KPNA7: variants seen among roughly 807,000 people sequenced by gnomAD.
KPNA7 encodes the protein karyopherin subunit alpha 7.
In KPNA7, 54 loss-of-function variants were observed where a neutral mutation model predicts 53.7. The observed-to-expected ratio is 1.01, with a 90% CI of 0.81 to 1.26. The LOEUF is 1.26. KPNA7 is among the 50% of genes most tolerant of loss of function. The pLI is 0.00. For synonymous variants in KPNA7, 276 were observed against 259.3 expected (o/e 1.06, Z -0.62); for missense variants, 640 against 644.5 (o/e 0.99, Z 0.07).
At chr7:99,187,324 G>C (rs1028437729) in intron 7 of KPNA7, among the ~76,000 whole-genome samples, 4 of 151,972 alleles carry the variant, frequency 2.6e-5, no homozygotes, top group African/African-American at 9.7e-5. Context: ...AAAGCAATTA[G>C]TAATGGTTTT....
At chr7:99,196,670 T>C (rs1431652014) in intron 3 of KPNA7, among the ~76,000 whole-genome samples, 1 of 148,090 alleles carries the variant, frequency 6.8e-6, no homozygotes, top group Non-Finnish European at 1.5e-5. Flanking sequence ...CCACCCACCC[T>C]CAGCTCCATG....
chr7:99,167,150 C>T, the KPNA7 span, among the ~76,000 whole-genome samples: 1 of 152,218 alleles, frequency 6.6e-6, no homozygotes, highest in Admixed American at 6.5e-5. Context: ...GCCACGGAGC[C>T]TGCTGTTCAC....
At chr7:99,181,031 G>GTGTGTGTGTCTCTCTCTCTCTCTCTC in intron 9 of KPNA7, among the ~76,000 whole-genome samples, 1 of 8,130 alleles carries the variant, frequency 1.2e-4, no homozygotes, top group Admixed American at 1.2e-3. Context: ...GTGTCTCTCT[G>GTGTGTGTGTCTCTCTCTCTCTCTCTC]TGTGTGTCTC....
intron 1 of KPNA7, among the ~76,000 whole-genome samples, chr7:99,215,625 G>A (rs949029572): frequency 5.3e-5 from 8 of 152,098 alleles, no homozygotes; most frequent in African/African-American, 7.2e-5. Context: ...CTCGGATTCC[G>A]CTTCTTTCCC....
chr7:99,174,758 A>G (rs1468947662), intron 10 of KPNA7, among the ~76,000 whole-genome samples: 1 of 152,080 alleles, frequency 6.6e-6, no homozygotes, highest in Non-Finnish European at 1.5e-5. Context: ...TTTACCCTGG[A>G]GTTCTTGGAT....
intron 2 of KPNA7, among the ~76,000 whole-genome samples, chr7:99,205,410 C>CAAAAA (rs61410237): frequency 2.7e-5 from 3 of 109,780 alleles, no homozygotes; most frequent in African/African-American, 8.6e-5. Flanking sequence ...GACTCCATCT[C>CAAAAA]AAAAAAAAAA....
At chr7:99,193,249 C>G in intron 5 of KPNA7, 148 bp from the exon 6 acceptor site, 1 of 511,542 alleles carries the variant, frequency 2.0e-6, no homozygotes. Context: ...GTACTAAATT[C>G]TGGAAGTCTG....
At chr7:99,146,311 A>G in the KPNA7 span, among the ~76,000 whole-genome samples, 9,158 of 152,150 alleles carry the variant, frequency 0.06, 340 homozygotes, top group South Asian at 0.12. Flanking sequence ...TTGCTTCTGG[A>G]GGTTTCTGAA....
At chr7:99,194,579 A>G (rs1020556754) in intron 5 of KPNA7, among the ~76,000 whole-genome samples, 2 of 152,032 alleles carry the variant, frequency 1.3e-5, no homozygotes, top group African/African-American at 4.8e-5. Context: ...TTCAGCTTCA[A>G]TATTTGGCCT....
intron 10 of KPNA7, 76 bp from the exon 11 acceptor site, chr7:99,173,870 C>G: frequency 1.2e-6 from 1 of 865,610 alleles, no homozygotes; most frequent in South Asian, 1.6e-5. Context: ...CAAGATGCAC[C>G]TTGTAACAAA....
chr7:99,195,465 G>T, intron 4 of KPNA7, 127 bp from the exon 5 acceptor site: 1 of 836,590 alleles, frequency 1.2e-6, no homozygotes, highest in Non-Finnish European at 1.8e-6. Flanking sequence ...AAGGCGGGCA[G>T]ATCACTTGAG....
chr7:99,189,091 T>A (rs1413629344), intron 6 of KPNA7, among the ~76,000 whole-genome samples: 1 of 152,196 alleles, frequency 6.6e-6, no homozygotes, highest in Non-Finnish European at 1.5e-5. Context: ...GGAGGTTTCC[T>A]TTGTCTTTCA....
chr7:99,172,179 C>T (rs965157598), downstream of KPNA7, among the ~76,000 whole-genome samples: 4 of 152,272 alleles, frequency 2.6e-5, no homozygotes. Flanking sequence ...AAAAAAATGG[C>T]TATCTCTTCT....
intron 5 of KPNA7, among the ~76,000 whole-genome samples, chr7:99,194,002 G>A (rs779090277): frequency 1.3e-5 from 2 of 152,112 alleles, no homozygotes; most frequent in Non-Finnish European, 2.9e-5. Context: ...TTTTCTTTTA[G>A]CAGTTATTTT....
At chr7:99,207,756 C>T (rs1452174248) in intron 1 of KPNA7, among the ~76,000 whole-genome samples, 1 of 150,728 alleles carries the variant, frequency 6.6e-6, no homozygotes, top group Admixed American at 6.7e-5. Context: ...CTGCCTCAGC[C>T]TCCCAGGTAG....
the KPNA7 span, among the ~76,000 whole-genome samples, chr7:99,168,349 C>A: frequency 6.6e-6 from 1 of 152,164 alleles, no homozygotes; most frequent in Admixed American, 6.6e-5. Context: ...TGGCCATAGC[C>A]AGCACTCTGA....
At chr7:99,164,636 A>ATT in the KPNA7 span, among the ~76,000 whole-genome samples, 5 of 44,186 alleles carry the variant, frequency 1.1e-4, no homozygotes, top group South Asian at 7.2e-4. Flanking sequence ...AGAATTTAAA[A>ATT]AAAAAAAAAA....
chr7:99,187,616 C>A (rs1000335137), intron 7 of KPNA7, among the ~76,000 whole-genome samples: 1 of 147,210 alleles, frequency 6.8e-6, no homozygotes, highest in African/African-American at 2.5e-5. Flanking sequence ...AGCAGTGGCA[C>A]GATCTCAGCT....
At chr7:99,154,769 C>G in the KPNA7 span, among the ~76,000 whole-genome samples, 1 of 152,066 alleles carries the variant, frequency 6.6e-6, no homozygotes, top group African/African-American at 2.4e-5. Flanking sequence ...TCATGAACCG[C>G]CCACCTCAAC....
Sources: allele counts gnomAD v4.1 joint callset (sites outside exome capture counted in the v4.1 genomes callset), GRCh38; gene constraint gnomAD v4.1.1; transcripts MANE v1.5; gene names NCBI Gene and HGNC (gene_info 2026-07-23, HGNC 2026-07-21).